Variants in LRRC55 observed in about 807,000 individuals in gnomAD.
LRRC55 encodes leucine rich repeat containing 55.
In LRRC55, 11 loss-of-function variants were observed where a neutral mutation model predicts 20.5. The ratio of observed to expected loss-of-function variants is 0.54; its 90% CI spans 0.34 to 0.89. LRRC55 has a LOEUF of 0.89. LRRC55 is among the 40% of genes least tolerant of loss of function. The pLI, the probability that LRRC55 is intolerant of heterozygous loss-of-function variation, is 0.02. For missense variants in LRRC55, 358 were observed against 390.9 expected (o/e 0.92, Z 0.71); for synonymous variants, 188 against 166.6 (o/e 1.13, Z -0.99).
chr11:57,190,124 TA>T lies in LRRC55; in HGVS notation c.*2645del, dbSNP rs1206680612. On this transcript the variant is annotated 3_prime_UTR_variant, in exon 2 of 2. Transcript: ENST00000497933. ...CCTGACAAAATAGAAAAGTTTCCCA[TA>T]GGGGCATACCATAATACTATAATAA... 6.6e-6 allele frequency: 1 copy of T among 152,224 alleles called. No individual in the cohort carries two copies. The highest frequency in any genetic ancestry group is 2.4e-5 in the African/African-American group (1 of 41,464). 9.4% of individuals were successfully genotyped at this position (152,224 alleles called of 1,614,324 possible).
Position 57,191,516 on chromosome 11 carries a change from C to G in LRRC55, c.*4036C>G, listed in dbSNP as rs1019278247. ...GTTTGTCACAGCACTGGGCGGAGAG[C>G]TGGATCCACAGAGCTCTCAGTTTTT... On this transcript the variant is annotated 3_prime_UTR_variant, in exon 2 of 2. Coordinates refer to ENST00000497933, the MANE Select transcript of LRRC55 (RefSeq NM_001005210.4). 1 of 128,682 alleles carries G rather than the reference C, an allele frequency of 7.8e-6. No individual in the cohort carries two copies. Among genetic ancestry groups the G allele is most frequent in the African/African-American group, 3.0e-5 (1 of 33,674 alleles). 8.0% of individuals were successfully genotyped at this position (128,682 alleles called of 1,614,324 possible).
chr11:57,187,524 G>C lies in LRRC55; in HGVS notation c.*44G>C. On this transcript the variant is annotated 3_prime_UTR_variant, in exon 2 of 2. Coordinates refer to ENST00000497933, the MANE Select transcript of LRRC55 (RefSeq NM_001005210.4). Reference sequence around the variant, plus strand: ...CTCCATGCTGCTGACCGCCACAGCTGCTGGCCACCAGACGCCCTCCCTGAC... The same window carrying C: ...CTCCATGCTGCTGACCGCCACAGCTCCTGGCCACCAGACGCCCTCCCTGAC... The C allele has an allele frequency of 3.2e-6, 5 of 1,561,036 alleles. No homozygotes were observed. Among genetic ancestry groups the C allele is most frequent in the Non-Finnish European group, 4.4e-6 (5 of 1,143,558 alleles).
Position 57,189,415 on chromosome 11 carries a change from GCT to G in LRRC55, c.*1937_*1938del, listed in dbSNP as rs1279998183. ...CCATCTGCTGTACAGATTGAACTAT[GCT>G]CACGGTAGGGCAAATTGCAGGCTCT... On this transcript the variant is annotated 3_prime_UTR_variant, in exon 2 of 2. Transcript: ENST00000497933. 1 of 152,216 alleles carries G rather than the reference GCT, an allele frequency of 6.6e-6. No homozygotes were observed. Among genetic ancestry groups the G allele is most frequent in the Non-Finnish European group, 1.5e-5 (1 of 68,060 alleles). 9.4% of individuals were successfully genotyped at this position (152,216 alleles called of 1,614,324 possible). A position where few individuals can be genotyped will look rare whatever the true frequency, so the allele number is the denominator to read the frequency against.
At chr11:57,185,077 T>C (rs540847777) in intron 1 of LRRC55, among the ~76,000 whole-genome samples, 1 of 152,236 alleles carries the variant, frequency 6.6e-6, no homozygotes, top group Non-Finnish European at 1.5e-5. Flanking sequence ...TGACTCCCCA[T>C]TTCCAAGGAT....
At chr11:57,185,539 C>T (rs566240270) in intron 1 of LRRC55, among the ~76,000 whole-genome samples, 1 of 151,958 alleles carries the variant, frequency 6.6e-6, no homozygotes, top group South Asian at 2.1e-4. Flanking sequence ...CCCGCCTTGG[C>T]TTCCCAAAAT....
In LRRC55 at chr11:57,182,133, C is replaced by G. The variant is rs1854360405; in HGVS notation, c.111C>G (p.Ser37Arg). Reference sequence around the variant, plus strand: ...TGATGCACTCGGATGCCGGCACCAGCTGCCCCGTCCTTTGCACATGCCGTA... The same window carrying G: ...TGATGCACTCGGATGCCGGCACCAGGTGCCCCGTCCTTTGCACATGCCGTA... ...AGLMHSDAGTSCPVLCTCRNQ... is the reference protein window; with the variant it reads ...AGLMHSDAGTRCPVLCTCRNQ... The change falls in exon 1 of 2, where the codon AGC becomes AGG. Residue 37 changes from serine to arginine, a missense_variant. Physicochemically the swap from Ser to Arg is moderately radical, Grantham distance 110 (BLOSUM62 -1). Coordinates refer to ENST00000497933, the MANE Select transcript of LRRC55 (RefSeq NM_001005210.4). 6.2e-7 allele frequency: 1 copy of G among 1,614,190 alleles called. No individual in the cohort carries two copies. Among genetic ancestry groups the G allele is most frequent in the Non-Finnish European group, 8.5e-7 (1 of 1,180,032 alleles).
chr11:57,187,416 T>C lies in LRRC55; in HGVS notation c.833T>C (p.Leu278Pro). Residue 278 changes from leucine (L) to proline (P), a missense_variant, in exon 2 of 2, where the codon CTC becomes CCC. By Grantham distance (98) the Leu-to-Pro change is moderately conservative. Around this residue, in one of 3 missense-constraint regions of LRRC55, gnomAD observed 178 missense variants for 207.9 expected, o/e 0.86. Coordinates refer to ENST00000497933, the MANE Select transcript of LRRC55 (RefSeq NM_001005210.4). ...ATTGCTTCTGTGGCCACCAACTTCCTCCTGGGCATCACTGCCAACTGCTGC... is the reference window on the plus strand; with the variant it reads ...ATTGCTTCTGTGGCCACCAACTTCCCCCTGGGCATCACTGCCAACTGCTGC... ...VSIASVATNF[L>P]LGITANCCHR... The C allele has an allele frequency of 6.2e-7, 1 of 1,614,196 alleles. No homozygotes were observed. The highest frequency in any genetic ancestry group is 8.5e-7 in the Non-Finnish European group (1 of 1,180,042).
Position 57,182,538 on chromosome 11 carries a change from G to C in LRRC55, c.516G>C (p.Gly172=), listed in dbSNP as rs1319276525. The C allele has an allele frequency of 6.3e-7, 1 of 1,578,408 alleles. No individual in the cohort carries two copies. ...TCCGAGACCTGGACCTCAGTTATGGGGGCCTGGCCTTCCTCAGCCTGGAGG... is the reference window on the plus strand; with the variant it reads ...TCCGAGACCTGGACCTCAGTTATGGCGGCCTGGCCTTCCTCAGCCTGGAGG... ...MQLRDLDLSY[G]GLAFLSLEAL... is the part of the protein sequence containing the mutation. Residue 172 remains glycine (G), a synonymous_variant, in exon 1 of 2, where the codon GGG becomes GGC. Coordinates refer to ENST00000497933, the MANE Select transcript of LRRC55 (RefSeq NM_001005210.4).
Position 57,182,044 on chromosome 11 carries a change from C to T in LRRC55, c.22C>T (p.Leu8Phe). ...TAAGATGGGTGACACTTGGGCCCAG[C>T]TTCCCTGGCCCGGGCCACCCCACCC... is the stretch of plus-strand genomic sequence containing the variant. MGDTWAQ[L>F]PWPGPPHPAM... The change falls in exon 1 of 2, where the codon CTT becomes TTT. Residue 8 changes from leucine (L) to phenylalanine (F), a missense_variant. Transcript: ENST00000497933. 6.2e-7 allele frequency: 1 copy of T among 1,614,194 alleles called. No homozygotes were observed. Among genetic ancestry groups the T allele is most frequent in the Non-Finnish European group, 8.5e-7 (1 of 1,180,034 alleles).
Position 57,187,803 on chromosome 11 carries a change from C to CATCT in LRRC55, c.*324_*327dup, listed in dbSNP as rs1854454561. On this transcript the variant is annotated 3_prime_UTR_variant, in exon 2 of 2. Coordinates refer to ENST00000497933, the MANE Select transcript of LRRC55 (RefSeq NM_001005210.4). ...TATGGAGGCCCAGAGGAGGAGCCAT[C>CATCT]ATCTGTATCTAGCAATGTCCATGAG... The CATCT allele has an allele frequency of 2.3e-6, 1 of 430,400 alleles. No homozygotes were observed. Among genetic ancestry groups the CATCT allele is most frequent in the Non-Finnish European group, 4.2e-6 (1 of 239,008 alleles). 26.7% of individuals were successfully genotyped at this position (430,400 alleles called of 1,614,324 possible).
At chr11:57,184,837 G>A (rs992826433) in intron 1 of LRRC55, among the ~76,000 whole-genome samples, 1 of 152,136 alleles carries the variant, frequency 6.6e-6, no homozygotes, top group Non-Finnish European at 1.5e-5. Context: ...GGGCTCCTCT[G>A]GCTGGTCCAT....
Position 57,182,480 on chromosome 11 carries a change from T to C in LRRC55, c.458T>C (p.Val153Ala), listed in dbSNP as rs770347426. 1.9e-6 allele frequency: 3 copies of C among 1,609,002 alleles called. No individual in the cohort carries two copies. The Admixed American group carries it at 5.0e-5, about 27-fold the overall frequency. The change falls in exon 1 of 2, where the codon GTG (valine) becomes GCG (alanine). Residue 153 changes from valine to alanine, a missense_variant. By Grantham distance (64) the Val-to-Ala change is moderately conservative. Transcript: ENST00000497933. The stretch of plus-strand genomic sequence containing the variant: ...AGCCACAACCCCTGGCTGCGGAGGG[T>C]GCATCCCCAGGCCTTTCAGGGCCTC... Reference protein sequence around the residue: ...DLSHNPWLRRVHPQAFQGLMQ... With the variant: ...DLSHNPWLRRAHPQAFQGLMQ...
intron 1 of LRRC55, among the ~76,000 whole-genome samples, chr11:57,186,578 AG>A (rs1231219738): frequency 6.6e-6 from 1 of 152,220 alleles, no homozygotes; most frequent in Non-Finnish European, 1.5e-5. Flanking sequence ...TGGGGAGCTG[AG>A]CTGTGCAGAG....
Position 57,182,132 on chromosome 11 carries a change from G to C in LRRC55, c.110G>C (p.Ser37Thr). 6.2e-7 allele frequency: 1 copy of C among 1,614,148 alleles called. No homozygotes were observed. Among genetic ancestry groups the C allele is most frequent in the East Asian group, 2.2e-5 (1 of 44,884 alleles). Residue 37 changes from serine (S) to threonine (T), a missense_variant, in exon 1 of 2, where the codon AGC becomes ACC. Ser to Thr is a moderately conservative substitution (Grantham distance 58). Coordinates refer to ENST00000497933, the MANE Select transcript of LRRC55 (RefSeq NM_001005210.4). ...AGLMHSDAGT[S>T]CPVLCTCRNQ... ...TTGATGCACTCGGATGCCGGCACCA[G>C]CTGCCCCGTCCTTTGCACATGCCGT...
At chr11:57,185,252 C>CTTCTT (rs1367394094) in intron 1 of LRRC55, among the ~76,000 whole-genome samples, 6 of 148,320 alleles carry the variant, frequency 4.0e-5, no homozygotes, top group Non-Finnish European at 8.9e-5. Flanking sequence ...GGATTATCCC[C>CTTCTT]TTCTTTTCTT....
rs147950698 is a variant in LRRC55, at chr11:57,183,431, G to C, written c.661+748G>C. ...CCTATCCCCAGAAGAACACTAATGA[G>C]ATTGCCACTCTACAGAGGAGGAAGC... is the stretch of plus-strand genomic sequence containing the variant. On this transcript the variant is annotated intron_variant, in intron 1 of 1. Coordinates refer to ENST00000497933, the MANE Select transcript of LRRC55 (RefSeq NM_001005210.4). 2.6e-3 allele frequency among the ~76,000 whole-genome samples: 390 copies of C among 152,286 alleles called. 1 individual carries two copies. Among genetic ancestry groups the C allele is most frequent in the African/African-American group, 8.3e-3 (343 of 41,562 alleles).
At position 57,190,219 on chromosome 11, in the gene LRRC55, A is replaced by T. The variant is rs1854489953; in HGVS notation, c.*2739A>T. On this transcript the variant is annotated 3_prime_UTR_variant, in exon 2 of 2. Transcript: ENST00000497933. Reference sequence around the variant, plus strand: ...TAAGATATATGCTTTTTTGCATAGGACTAGAACCAGAAAAGACACCAAATG... The same window carrying T: ...TAAGATATATGCTTTTTTGCATAGGTCTAGAACCAGAAAAGACACCAAATG... The T allele has an allele frequency of 2.0e-5, 3 of 152,182 alleles. No individual in the cohort carries two copies. Among genetic ancestry groups the T allele is most frequent in the Non-Finnish European group, 4.4e-5 (3 of 68,030 alleles). The allele number at this position is 152,182 out of a possible 1,614,324, so 9.4% of individuals were successfully genotyped here.
rs559218399 is a variant in LRRC55 at position 57,191,652 on chromosome 11, C to T, written c.*4172C>T. The T allele has an allele frequency of 2.2e-4, 34 of 152,222 alleles. No homozygotes were observed. The highest frequency in any genetic ancestry group is 7.7e-4 in the African/African-American group (32 of 41,538). The allele number at this position is 152,222 out of a possible 1,614,324, so 9.4% of individuals were successfully genotyped here. ...ATGGAGATGATTTTATAACCATGCA[C>T]TTTTGTAACTGTGCAGAATTTTTCA... is the stretch of plus-strand genomic sequence containing the variant. On this transcript the variant is annotated 3_prime_UTR_variant, in exon 2 of 2. Transcript: ENST00000497933.
At position 57,182,125 on chromosome 11, in the gene LRRC55, G is replaced by T; in HGVS notation, c.103G>T (p.Gly35Cys). The part of the protein sequence containing the change: ...LAAGLMHSDA[G>C]TSCPVLCTCR... Reference sequence around the variant, plus strand: ...AGCCGGGTTGATGCACTCGGATGCCGGCACCAGCTGCCCCGTCCTTTGCAC... The same window carrying T: ...AGCCGGGTTGATGCACTCGGATGCCTGCACCAGCTGCCCCGTCCTTTGCAC... Residue 35 changes from glycine to cysteine, a missense_variant, in exon 1 of 2, where the codon GGC becomes TGC. Gly to Cys is a radical substitution (Grantham distance 159, BLOSUM62 -3). Around this residue, in one of 3 missense-constraint regions of LRRC55, gnomAD observed 175 missense variants for 164.5 expected, o/e 1.06. Coordinates refer to ENST00000497933, the MANE Select transcript of LRRC55 (RefSeq NM_001005210.4). 6.2e-7 allele frequency: 1 copy of T among 1,614,136 alleles called. No homozygotes were observed. The highest frequency in any genetic ancestry group is 2.2e-5 in the East Asian group (1 of 44,884).
Sources: allele counts gnomAD v4.1 joint callset (sites outside exome capture counted in the v4.1 genomes callset), GRCh38; gene constraint gnomAD v4.1.1; regional missense constraint gnomAD v4.1.1; transcripts MANE v1.5; gene names NCBI Gene and HGNC (gene_info 2026-07-23, HGNC 2026-07-21).